The following ATXN7 variants were observed in gnomAD, a reference collection of about 807,000 sequenced individuals.
The protein encoded by ATXN7 is ataxin 7.
ATXN7 carries 12 observed loss-of-function variants against 70.5 expected under a neutral mutation model. The ratio of observed to expected loss-of-function variants is 0.17; its 90% CI spans 0.11 to 0.28. ATXN7 has a LOEUF of 0.28. Among genes scored for constraint, ATXN7 ranks in the 10% least tolerant of loss-of-function variants. ATXN7 has a pLI of 1.00. For missense variants in ATXN7, 1,256 were observed against 1,131.7 expected, an observed-to-expected ratio of 1.11 and a Z score of -1.58; for synonymous variants, 498 against 448.7, an observed-to-expected ratio of 1.11 and a Z score of -1.39.
intron 1 of ATXN7, among the ~76,000 whole-genome samples, chr3:63,879,201 C>G (rs1702835349): frequency 6.6e-6 from 1 of 152,020 alleles, no homozygotes; most frequent in Non-Finnish European, 1.5e-5. Flanking sequence ...ATAAATAGCC[C>G]AAAGAGTTAC....
At chr3:63,917,776 T>A (rs1219462529) in intron 4 of ATXN7, among the ~76,000 whole-genome samples, 1 of 152,172 alleles carries the variant, frequency 6.6e-6, no homozygotes, top group African/African-American at 2.4e-5. Flanking sequence ...GCCCCAAAAG[T>A]GGATGAGTAG....
At chr3:63,950,242 A>G (rs187315016) in intron 4 of ATXN7, among the ~76,000 whole-genome samples, 1 of 152,302 alleles carries the variant, frequency 6.6e-6, no homozygotes, top group African/African-American at 2.4e-5. Flanking sequence ...ATTTGAAAGG[A>G]TCAGTTTAGG....
At chr3:63,874,798 G>A (rs1285874229) in intron 1 of ATXN7, among the ~76,000 whole-genome samples, 1 of 152,184 alleles carries the variant, frequency 6.6e-6, no homozygotes, top group Non-Finnish European at 1.5e-5. Flanking sequence ...AGTGACGTTG[G>A]TGTGTGTCTT....
rs767174221 is a variant in ATXN7 at position 63,983,005 on chromosome 3, G to A, written c.1079G>A (p.Arg360Gln). The A allele has an allele frequency of 1.9e-6, 3 of 1,613,824 alleles. No individual in the cohort carries two copies. The highest frequency in any genetic ancestry group is 2.5e-6 in the Non-Finnish European group (3 of 1,179,894). The change falls in exon 8 of 13, where the codon CGG becomes CAG. Residue 360 changes from arginine (R) to glutamine (Q), a missense_variant. Arg to Gln is a conservative substitution (Grantham distance 43). Transcript: ENST00000674280. Reference sequence around the variant, plus strand: ...CTCGACACCAAGAAGCCCTGCACCCGGTCTTTGACATGCAAGGTAGGTGGA... The same window carrying A: ...CTCGACACCAAGAAGCCCTGCACCCAGTCTTTGACATGCAAGGTAGGTGGA... ...IDLDTKKPCT[R>Q]SLTCKTHSLT...
At chr3:63,936,157 C>T (rs550386609) in intron 4 of ATXN7, among the ~76,000 whole-genome samples, 1 of 152,288 alleles carries the variant, frequency 6.6e-6, no homozygotes, top group East Asian at 1.9e-4. Flanking sequence ...AATTGTGGAA[C>T]GTTAGTCGCT....
At chr3:63,884,398 A>G (rs138459468) in intron 1 of ATXN7, among the ~76,000 whole-genome samples, 1,579 of 152,216 alleles carry the variant, frequency 0.01, 30 homozygotes, top group African/African-American at 0.036. Flanking sequence ...TTGTAACCCA[A>G]TATATAAAAT....
At chr3:63,945,896 A>G (rs563679590) in intron 4 of ATXN7, among the ~76,000 whole-genome samples, 6 of 152,348 alleles carry the variant, frequency 3.9e-5, no homozygotes, top group African/African-American at 1.4e-4. Context: ...AGCAAGTACC[A>G]CACAGGATTC....
chr3:63,948,038 G>A (rs942418677), intron 4 of ATXN7, among the ~76,000 whole-genome samples: 2 of 152,144 alleles, frequency 1.3e-5, no homozygotes, highest in Admixed American at 6.5e-5. Flanking sequence ...TTAAACAGGG[G>A]AGTGATGTGA....
intron 4 of ATXN7, among the ~76,000 whole-genome samples, chr3:63,923,557 A>G (rs1007046304): frequency 4.6e-5 from 7 of 152,310 alleles, no homozygotes; most frequent in African/African-American, 1.2e-4. Context: ...TTGTAATCCT[A>G]GCACTTTGGG....
intron 4 of ATXN7, among the ~76,000 whole-genome samples, chr3:63,931,613 A>G (rs950311487): frequency 1.3e-5 from 2 of 152,154 alleles, no homozygotes; most frequent in African/African-American, 4.8e-5. Flanking sequence ...TCTTCAGAGA[A>G]AAGGAACATT....
chr3:63,911,290 T>C (rs1704005141), intron 2 of ATXN7, among the ~76,000 whole-genome samples: 1 of 152,190 alleles, frequency 6.6e-6, no homozygotes, highest in Non-Finnish European at 1.5e-5. Context: ...GGTCATTAAG[T>C]AGCCTTTTAT....
At chr3:63,863,168 G>C (rs1214770448), upstream of ATXN7, 1 of 152,648 alleles carries the variant, frequency 6.6e-6, no homozygotes, top group Admixed American at 6.5e-5. Flanking sequence ...CGCAGTTCAA[G>C]GCCTCATTGC....
chr3:63,967,640 A>G, intron 5 of ATXN7: 1 of 545,782 alleles, frequency 1.8e-6, no homozygotes, highest in Non-Finnish European at 2.7e-6. Context: ...TATAAATTCC[A>G]TCTTCCCCAG....
At chr3:63,950,807 G>C (rs142836731) in intron 4 of ATXN7, among the ~76,000 whole-genome samples, 189 of 152,174 alleles carry the variant, frequency 1.2e-3, no homozygotes, top group Admixed American at 1.8e-3. Context: ...TTAAATAAGC[G>C]TAGTCACAGA....
At chr3:63,995,054 A>T (rs148227818) in intron 11 of ATXN7, among the ~76,000 whole-genome samples, 2 of 152,302 alleles carry the variant, frequency 1.3e-5, no homozygotes, top group East Asian at 3.9e-4. Context: ...ACATTTATTC[A>T]GTGCCTTCTG....
At position 63,991,327 on chromosome 3, in the gene ATXN7, G is replaced by C. The variant is rs1227845502; in HGVS notation, c.1682+468G>C. 2.4e-5 allele frequency among the ~76,000 whole-genome samples: 3 copies of C among 122,972 alleles called. No individual in the cohort carries two copies. In the East Asian group the frequency reaches 7.0e-4, roughly 29 times the overall value. The allele number at this position is 122,972 out of a possible 152,430, so 80.7% of individuals were successfully genotyped here. On this transcript the variant is annotated intron_variant, in intron 11 of 12. Transcript: ENST00000674280. ...TTTTTTTTGTTTTGTTTTTTTAATAGATGACAAAACTGAGATACAGTGTCA... is the reference window on the plus strand; with the variant it reads ...TTTTTTTTGTTTTGTTTTTTTAATACATGACAAAACTGAGATACAGTGTCA...
chr3:63,871,457 G>A (rs886907568), intron 1 of ATXN7, among the ~76,000 whole-genome samples: 1 of 152,124 alleles, frequency 6.6e-6, no homozygotes, highest in Non-Finnish European at 1.5e-5. Context: ...AAGAAAAAAA[G>A]GTAAATTCAC....
In ATXN7 at chr3:63,912,699, A is replaced by AGCC. The variant is rs1704086211; in HGVS notation, c.103_104insCGC (p.Gln34_Gln35insPro). ...GCGGCCGCCCGGCAGCAGCAGCAGCAGCAGCAGCAGCAGCAGCCGCCGCCT... is the reference window on the plus strand; with the variant it reads ...GCGGCCGCCCGGCAGCAGCAGCAGCAGCCGCAGCAGCAGCAGCAGCCGCCGCCT... On this transcript the variant is annotated inframe_insertion, in exon 3 of 13. Coordinates refer to ENST00000674280, the MANE Select transcript of ATXN7 (RefSeq NM_001377405.1). 1.7e-6 allele frequency: 2 copies of AGCC among 1,173,248 alleles called. No individual in the cohort carries two copies. Among genetic ancestry groups the AGCC allele is most frequent in the Non-Finnish European group, 2.1e-6 (2 of 943,258 alleles). 72.7% of individuals were successfully genotyped at this position (1,173,248 alleles called of 1,614,324 possible).
chr3:63,874,911 G>C (rs1483229760), intron 1 of ATXN7, among the ~76,000 whole-genome samples: 2 of 152,024 alleles, frequency 1.3e-5, no homozygotes, highest in Non-Finnish European at 2.9e-5. Context: ...CCATGATCAG[G>C]GTGCCAGCAG....
Sources: allele counts gnomAD v4.1 joint callset (sites outside exome capture counted in the v4.1 genomes callset), GRCh38; gene constraint gnomAD v4.1.1; transcripts MANE v1.5; gene names NCBI Gene and HGNC (gene_info 2026-07-23, HGNC 2026-07-21).